PAPOLA: variants seen among roughly 807,000 people sequenced by gnomAD.
PAPOLA encodes the protein polynucleotide adenylyltransferase alpha.
A neutral mutation model predicts 100.6 loss-of-function variants in PAPOLA; 15 were observed. The observed-to-expected ratio is 0.15, with a 90% CI of 0.10 to 0.23. The LOEUF (loss-of-function observed/expected upper bound fraction) is 0.23. Ranked by LOEUF, PAPOLA falls within the 10% of genes least tolerant of loss-of-function variation. The pLI is 1.00. For synonymous variants in PAPOLA, 293 were observed against 300.0 expected (o/e 0.98, Z 0.24); for missense variants, 533 against 884.2 (o/e 0.60, Z 5.04).
At chr14:96,510,000 A>C (rs1254460645) in intron 1 of PAPOLA, among the ~76,000 whole-genome samples, 3 of 94,886 alleles carry the variant, frequency 3.2e-5, no homozygotes, top group Non-Finnish European at 5.7e-5. Context: ...TTTGGATTGT[A>C]TGTAGGCCTG....
Position 96,559,839 on chromosome 14 carries a change from T to C in PAPOLA, c.2005-810T>C, listed in dbSNP as rs142300410. 6.3e-4 allele frequency among the ~76,000 whole-genome samples: 95 copies of C among 151,972 alleles called. No homozygotes were observed. The East Asian group carries it at 0.018, about 29-fold the overall frequency. On this transcript the variant is annotated intron_variant, in intron 19 of 21. Transcript: ENST00000216277. ...AACCAAAAACATTTCTTTGTATATC[T>C]AAAAATAAGGACTTCTATAAAATAT...
chr14:96,532,048 A>G (rs1376303554), intron 7 of PAPOLA: 2 of 1,268,608 alleles, frequency 1.6e-6, no homozygotes, highest in African/African-American at 3.1e-5. Context: ...GGAAGTTTTA[A>G]TTGTGAATCT....
chr14:96,511,327 A>G (rs1019189742), intron 1 of PAPOLA, among the ~76,000 whole-genome samples: 2 of 152,112 alleles, frequency 1.3e-5, no homozygotes, highest in Non-Finnish European at 2.9e-5. Context: ...TTGGGAGGTC[A>G]AGGTGGGAGG....
chr14:96,520,194 G>C lies in PAPOLA; in HGVS notation c.148G>C (p.Gly50Arg). The C allele has an allele frequency of 6.2e-7, 1 of 1,613,600 alleles. No individual in the cohort carries two copies. Among genetic ancestry groups the C allele is most frequent in the Non-Finnish European group, 8.5e-7 (1 of 1,179,758 alleles). ...QKLIETLKPF[G>R]VFEEEEELQR... ...ACTAATTGAGACATTGAAACCCTTT[G>C]GGGTTTTTGAAGAGGAAGAGGAACT... The change falls in exon 2 of 22, where the codon GGG (glycine) becomes CGG (arginine). Residue 50 changes from glycine to arginine, a missense_variant. Around this residue, in one of 9 missense-constraint regions of PAPOLA, gnomAD observed 54 missense variants for 133.2 expected, o/e 0.41. Coordinates refer to ENST00000216277, the MANE Select transcript of PAPOLA (RefSeq NM_032632.5).
chr14:96,518,031 T>A (rs1347415491), intron 1 of PAPOLA, among the ~76,000 whole-genome samples: 1 of 152,138 alleles, frequency 6.6e-6, no homozygotes, highest in Non-Finnish European at 1.5e-5. Context: ...TTAATGCTGA[T>A]GGGGATTAAC....
intron 3 of PAPOLA, among the ~76,000 whole-genome samples, chr14:96,523,659 A>G (rs576738489): frequency 1.3e-3 from 195 of 152,324 alleles, no homozygotes; most frequent in Non-Finnish European, 2.4e-3. Flanking sequence ...GAAATACAAC[A>G]TTACAGCCAG....
chr14:96,522,397 G>A (rs59178847), intron 3 of PAPOLA, among the ~76,000 whole-genome samples: 2,528 of 151,828 alleles, frequency 0.017, 72 homozygotes, highest in African/African-American at 0.058. Context: ...GGGATTACAG[G>A]CGTGAGGTAC....
intron 19 of PAPOLA, 104 bp from the exon 20 acceptor site, chr14:96,560,545 G>C (rs1275262431): frequency 4.1e-6 from 3 of 736,024 alleles, no homozygotes; most frequent in Non-Finnish European, 2.3e-6. Context: ...TGATCTTACA[G>C]GTTTAATTAT....
chr14:96,510,056 A>G (rs1897007689), intron 1 of PAPOLA, among the ~76,000 whole-genome samples: 1 of 149,732 alleles, frequency 6.7e-6, no homozygotes, highest in Non-Finnish European at 1.5e-5. Context: ...AGGATTTGGG[A>G]AAGAAAAAAT....
intron 16 of PAPOLA, 125 bp from the exon 17 acceptor site, chr14:96,552,355 A>G (rs890992342): frequency 1.1e-6 from 1 of 877,118 alleles, no homozygotes; most frequent in Non-Finnish European, 1.7e-6. Context: ...TGGCACATCT[A>G]ACTTTCGTAG....
At chr14:96,556,127 C>A in intron 18 of PAPOLA, 48 bp from the exon 19 acceptor site, 2 of 1,441,322 alleles carry the variant, frequency 1.4e-6, no homozygotes, top group Non-Finnish European at 1.9e-6. Context: ...CAACTTGATA[C>A]TGATTTGGTT....
intron 3 of PAPOLA, among the ~76,000 whole-genome samples, chr14:96,524,549 G>A (rs1898295493): frequency 6.6e-6 from 1 of 151,398 alleles, no homozygotes; most frequent in Non-Finnish European, 1.5e-5. Context: ...TTTGAGACAG[G>A]GTCTGACTGT....
intron 19 of PAPOLA, among the ~76,000 whole-genome samples, chr14:96,559,396 C>T (rs1227453680): frequency 6.6e-6 from 1 of 151,706 alleles, no homozygotes; most frequent in Non-Finnish European, 1.5e-5. Context: ...AATGCACTAA[C>T]GTGTATATAG....
chr14:96,558,391 A>T (rs1901538543), intron 19 of PAPOLA, among the ~76,000 whole-genome samples: 1 of 152,132 alleles, frequency 6.6e-6, no homozygotes, highest in Non-Finnish European at 1.5e-5. Context: ...AGTAAAGTGT[A>T]TTTAAGCATA....
chr14:96,545,585 C>T (rs1024938644), intron 15 of PAPOLA, among the ~76,000 whole-genome samples: 7 of 151,850 alleles, frequency 4.6e-5, no homozygotes, highest in African/African-American at 1.7e-4. Flanking sequence ...TTTAAATACT[C>T]CATTTTTTAA....
At chr14:96,507,305 T>G (rs928822956) in intron 1 of PAPOLA, among the ~76,000 whole-genome samples, 12 of 99,210 alleles carry the variant, frequency 1.2e-4, no homozygotes, top group African/African-American at 4.6e-4. Context: ...TTTTTTTTTT[T>G]GAGACGGAGT....
At chr14:96,562,930 G>A in intron 21 of PAPOLA, 37 bp downstream of exon 21, 2 of 1,236,130 alleles carry the variant, frequency 1.6e-6, no homozygotes, top group South Asian at 1.2e-5. Flanking sequence ...TTTTGTAAAT[G>A]TCCTTAAGAT....
In PAPOLA at chr14:96,533,438, TA is replaced by T. The variant is rs1027615561; in HGVS notation, c.836+797del. Reference sequence around the variant, plus strand: ...GAGCTGTGTTCAACTGGAGGAAAAATAAAAAAAATTTAGAACCATGCCACAC... The same window carrying T: ...GAGCTGTGTTCAACTGGAGGAAAAATAAAAAAATTTAGAACCATGCCACAC... On this transcript the variant is annotated intron_variant, in intron 9 of 21. Coordinates refer to ENST00000216277, the MANE Select transcript of PAPOLA (RefSeq NM_032632.5). 6 of 981,362 alleles carry T rather than the reference TA, an allele frequency of 6.1e-6. No homozygotes were observed. The African/African-American group carries it at 8.8e-5, about 14-fold the overall frequency. The allele number at this position is 981,362 out of a possible 1,614,324, so 60.8% of individuals were successfully genotyped here.
chr14:96,524,859 ATACTC>A (rs946497771), intron 3 of PAPOLA, among the ~76,000 whole-genome samples: 13 of 152,224 alleles, frequency 8.5e-5, no homozygotes, highest in African/African-American at 9.6e-5. Context: ...GATAAAAAAA[ATACTC>A]TAATATGTTG....
Sources: gnomAD v4.1 joint callset for allele counts (sites outside exome capture counted in the v4.1 genomes callset) on GRCh38, gnomAD v4.1.1 for gene constraint, gnomAD v4.1.1 regional missense constraint, MANE v1.5 for transcripts, NCBI Gene and HGNC (gene_info 2026-07-23, HGNC 2026-07-21) for gene names.